Variants in FRAS1 observed in about 807,000 individuals in gnomAD.
FRAS1 encodes extracellular matrix organizing protein FRAS1.
In FRAS1, 290 loss-of-function variants were observed where a neutral mutation model predicts 435.2. The observed-to-expected ratio is 0.67, with a 90% CI of 0.61 to 0.73. The LOEUF is 0.73. Ranked by LOEUF, FRAS1 falls within the 30% of genes least tolerant of loss-of-function variation. FRAS1 has a pLI of 0.00. For synonymous variants in FRAS1, 1,800 were observed against 1,851.0 expected, an observed-to-expected ratio of 0.97 and a Z score of 0.71; for missense variants, 4,860 against 5,001.5, an observed-to-expected ratio of 0.97 and a Z score of 0.85.
At chr4:78,066,824 GGT>G (rs1287438283) in intron 2 of FRAS1, among the ~76,000 whole-genome samples, 1 of 152,108 alleles carries the variant, frequency 6.6e-6, no homozygotes, top group East Asian at 1.9e-4. Context: ...TTATCCTTGT[GGT>G]ATTGAAATAG....
intron 66 of FRAS1, among the ~76,000 whole-genome samples, chr4:78,518,951 G>T (rs1560423416): frequency 6.6e-6 from 1 of 152,172 alleles, no homozygotes; most frequent in Non-Finnish European, 1.5e-5. Flanking sequence ...TCAATACAGG[G>T]AGTTTGTACT....
intron 26 of FRAS1, among the ~76,000 whole-genome samples, chr4:78,378,960 G>A (rs919985881): frequency 6.6e-5 from 10 of 151,976 alleles, no homozygotes; most frequent in Admixed American, 4.6e-4. Flanking sequence ...TCGTAAAAAT[G>A]TACTCCTATA....
chr4:78,468,705 T>C (rs1382466863), intron 50 of FRAS1, among the ~76,000 whole-genome samples: 1 of 152,222 alleles, frequency 6.6e-6, no homozygotes, highest in Non-Finnish European at 1.5e-5. Flanking sequence ...AGCTCTCCTG[T>C]AGTTCATAAA....
intron 2 of FRAS1, among the ~76,000 whole-genome samples, chr4:78,118,685 G>A (rs1471624285): frequency 6.7e-6 from 1 of 150,316 alleles, no homozygotes; most frequent in African/African-American, 2.5e-5. Flanking sequence ...GTATCAGGGT[G>A]GGAGTGACCC....
chr4:78,309,488 A>T (rs766689403), intron 15 of FRAS1, among the ~76,000 whole-genome samples: 4 of 152,210 alleles, frequency 2.6e-5, no homozygotes, highest in Admixed American at 1.3e-4. Flanking sequence ...AGATATAACC[A>T]TTCTCATTTT....
chr4:78,509,341 G>A (rs35150477), intron 63 of FRAS1, among the ~76,000 whole-genome samples: 49,413 of 152,038 alleles, frequency 0.33, 8,692 homozygotes, highest in South Asian at 0.52. Context: ...ATTGAAAAAT[G>A]TGACCTATAA....
intron 23 of FRAS1, among the ~76,000 whole-genome samples, chr4:78,370,531 C>T (rs1169053945): frequency 6.6e-6 from 1 of 152,076 alleles, no homozygotes. Context: ...CTCTTCAGTT[C>T]AGCAGTCCCC....
intron 37 of FRAS1, among the ~76,000 whole-genome samples, chr4:78,430,756 A>G (rs977658275): frequency 6.6e-5 from 10 of 152,120 alleles, no homozygotes; most frequent in Non-Finnish European, 1.0e-4. Flanking sequence ...GTTCATGGAG[A>G]TGAATCGGTC....
At chr4:78,386,473 G>A (rs28756791) in intron 28 of FRAS1, among the ~76,000 whole-genome samples, 21,267 of 152,080 alleles carry the variant, frequency 0.14, 1,870 homozygotes, top group African/African-American at 0.25. Context: ...AACTATTATA[G>A]TGATGTATTA....
intron 61 of FRAS1, among the ~76,000 whole-genome samples, chr4:78,506,765 C>T (rs1375765661): frequency 6.6e-6 from 1 of 152,214 alleles, no homozygotes; most frequent in Non-Finnish European, 1.5e-5. Context: ...CACCAATGTC[C>T]AACCAGTCCC....
chr4:78,333,480 C>T, intron 19 of FRAS1, 68 bp downstream of exon 19: 1 of 1,479,222 alleles, frequency 6.8e-7, no homozygotes, highest in Admixed American at 2.3e-5. Context: ...TAGCCAGACA[C>T]TGTAATTAGA....
Position 78,534,572 on chromosome 4 carries a change from T to A in FRAS1, c.11049T>A (p.Asp3683Glu), listed in dbSNP as rs546056906. The A allele has an allele frequency of 6.2e-7, 1 of 1,613,502 alleles. No homozygotes were observed. Among genetic ancestry groups the A allele is most frequent in the Non-Finnish European group, 8.5e-7 (1 of 1,179,590 alleles). The change falls in exon 71 of 74, where the codon GAT (aspartate) becomes GAA (glutamate). Residue 3683 changes from aspartate to glutamate, a missense_variant. Coordinates refer to ENST00000512123, the MANE Select transcript of FRAS1 (RefSeq NM_025074.7). ...TCCTAATGGATCCCAATACATCTGA[T>A]ATGTCACTAGCAGAAATGGATTACA... ...KVFLMDPNTS[D>E]MSLAEMDYKG...
chr4:78,172,604 G>T (rs944369582), intron 2 of FRAS1, among the ~76,000 whole-genome samples: 3 of 152,076 alleles, frequency 2.0e-5, no homozygotes, highest in Non-Finnish European at 4.4e-5. Flanking sequence ...ATCCAAAGAA[G>T]ATGGATTGTC....
At chr4:78,104,180 A>G (rs1742274874) in intron 2 of FRAS1, among the ~76,000 whole-genome samples, 1 of 152,230 alleles carries the variant, frequency 6.6e-6, no homozygotes, top group South Asian at 2.1e-4. Context: ...CAAAAATAAG[A>G]TGTTTAGAAA....
chr4:78,285,697 G>T (rs888516927), intron 13 of FRAS1, among the ~76,000 whole-genome samples: 3 of 152,072 alleles, frequency 2.0e-5, no homozygotes, highest in Admixed American at 6.5e-5. Context: ...CTCCCAAAGT[G>T]CTGGGATTAC....
intron 2 of FRAS1, among the ~76,000 whole-genome samples, chr4:78,193,755 C>A (rs1233537184): frequency 1.3e-5 from 2 of 151,810 alleles, no homozygotes; most frequent in African/African-American, 4.8e-5. Flanking sequence ...TTAATTGGAG[C>A]ATTTAGCCCA....
chr4:78,363,700 C>A, intron 21 of FRAS1, 35 bp downstream of exon 21: 1 of 1,557,094 alleles, frequency 6.4e-7, no homozygotes, highest in Non-Finnish European at 8.7e-7. Flanking sequence ...CTGGAGCTGC[C>A]ACCTGAGGTT....
chr4:78,285,983 G>A (rs982839683), intron 13 of FRAS1, among the ~76,000 whole-genome samples: 2 of 152,146 alleles, frequency 1.3e-5, no homozygotes, highest in Admixed American at 1.3e-4. Flanking sequence ...TATTGGAAAA[G>A]GGGCAAGAGA....
chr4:78,116,221 A>C (rs1411556481), intron 2 of FRAS1, among the ~76,000 whole-genome samples: 1 of 152,192 alleles, frequency 6.6e-6, no homozygotes, highest in Non-Finnish European at 1.5e-5. Context: ...CTGTTCTTTT[A>C]CATTTGCCAA....
Sources: allele counts gnomAD v4.1 joint callset (sites outside exome capture counted in the v4.1 genomes callset), GRCh38; gene constraint gnomAD v4.1.1; transcripts MANE v1.5; gene names NCBI Gene and HGNC (gene_info 2026-07-23, HGNC 2026-07-21).